The following M6PR variants were observed in gnomAD, a reference collection of about 807,000 sequenced individuals.
M6PR encodes the protein cation-dependent mannose-6-phosphate receptor.
M6PR carries 19 observed loss-of-function variants against 33.1 expected under a neutral mutation model. That is an observed-to-expected ratio of 0.57 (90% confidence interval 0.40 to 0.84). The LOEUF is 0.84. M6PR is among the 40% of genes least tolerant of loss of function. M6PR has a pLI of 0.00. For missense variants in M6PR, 295 were observed against 336.0 expected (o/e 0.88, Z 0.95); for synonymous variants, 111 against 123.4 (o/e 0.90, Z 0.67).
At chr12:8,944,033 A>G (rs1399140208) in intron 3 of M6PR, 123 bp from the exon 4 acceptor site, 1 of 689,038 alleles carries the variant, frequency 1.5e-6, no homozygotes, top group South Asian at 1.6e-5. Context: ...AACCCTCATC[A>G]GTACGAACTT....
rs1803934 is a variant in M6PR at position 8,941,674 on chromosome 12, G to A, written c.*144C>T. ...AAAGGGAAGGCAGTTTTACTAGTGA[G>A]AAGATGCAAATCAAAAGCAAACTGG... On this transcript the variant is annotated 3_prime_UTR_variant, in exon 7 of 7. Coordinates refer to ENST00000000412, the MANE Select transcript of M6PR (RefSeq NM_002355.4). 88 of 965,776 alleles carry A rather than the reference G, an allele frequency of 9.1e-5. 1 individual carries two copies. The African/African-American group carries it at 1.3e-3, about 14-fold the overall frequency. 59.8% of individuals were successfully genotyped at this position (965,776 alleles called of 1,614,324 possible).
intron 5 of M6PR, among the ~76,000 whole-genome samples, chr12:8,942,966 T>A (rs1177681561): frequency 1.3e-5 from 2 of 152,124 alleles, no homozygotes; most frequent in Non-Finnish European, 2.9e-5. Context: ...TTTTTTTTTT[T>A]TTTTTAGACG....
intron 5 of M6PR, among the ~76,000 whole-genome samples, chr12:8,942,951 ATTTTT>A (rs139521214): frequency 8.4e-5 from 12 of 142,806 alleles, no homozygotes; most frequent in Admixed American, 1.4e-4. Context: ...TGCAGTCAGA[ATTTTT>A]TTTTTTTTTT....
Position 8,941,633 on chromosome 12 carries a change from A to G in M6PR, c.*185T>C, listed in dbSNP as rs1946010046. ...ACAACTGTACCTCTCTAGAGAAAAA[A>G]CAGAAAATAAGGAACAAAGGGAAGG... On this transcript the variant is annotated 3_prime_UTR_variant, in exon 7 of 7. Coordinates refer to ENST00000000412, the MANE Select transcript of M6PR (RefSeq NM_002355.4). 1.5e-6 allele frequency: 1 copy of G among 661,620 alleles called. No homozygotes were observed. Among genetic ancestry groups the G allele is most frequent in the East Asian group, 2.7e-5 (1 of 36,624 alleles). 41.0% of individuals were successfully genotyped at this position (661,620 alleles called of 1,614,324 possible).
At chr12:8,946,488 A>G (rs1946097121) in intron 1 of M6PR, 83 bp from the exon 2 acceptor site, 1 of 1,047,496 alleles carries the variant, frequency 9.5e-7, no homozygotes, top group African/African-American at 1.6e-5. Context: ...TGTGTAATAA[A>G]TCGATGGTAT....
rs1250825760 is a variant in M6PR, at chr12:8,949,186, C to T, written c.-2+302G>A. 6.6e-6 allele frequency among the ~76,000 whole-genome samples: 1 copy of T among 152,144 alleles called. No individual in the cohort carries two copies. Among genetic ancestry groups the T allele is most frequent in the East Asian group, 1.9e-4 (1 of 5,196 alleles). On this transcript the variant is annotated intron_variant, in intron 1 of 6. Transcript: ENST00000000412. This position sits in a 1 kb window ranked among gnomAD's most constrained non-coding sequence, Gnocchi z 5.6. ...CCCACCGTGATGCAGGCCAAAATTCCTCCTACAAATAAATCCACCAACACC... is the reference window on the plus strand; with the variant it reads ...CCCACCGTGATGCAGGCCAAAATTCTTCCTACAAATAAATCCACCAACACC...
intron 6 of M6PR, 61 bp downstream of exon 6, chr12:8,942,355 A>T: frequency 1.2e-6 from 2 of 1,612,600 alleles, no homozygotes. Flanking sequence ...ACAAACGAGG[A>T]TGGTTGGTCA....
chr12:8,943,633 C>A, intron 4 of M6PR, 98 bp from the exon 5 acceptor site: 1 of 1,507,448 alleles, frequency 6.6e-7, no homozygotes, highest in South Asian at 1.1e-5. Context: ...CTTCCTGGTT[C>A]AGCAGCCTAT....
intron 3 of M6PR, among the ~76,000 whole-genome samples, chr12:8,944,795 G>A (rs1946071544): frequency 6.6e-6 from 1 of 152,114 alleles, no homozygotes; most frequent in South Asian, 2.1e-4. Context: ...GGTGGTGGTT[G>A]GTATTTGTAA....
At chr12:8,946,097 A>C (rs1946089313) in intron 2 of M6PR, 132 bp downstream of exon 2, 3 of 814,426 alleles carry the variant, frequency 3.7e-6, no homozygotes, top group East Asian at 2.6e-5. Context: ...AAAACTGCAC[A>C]CAGCAACTAA....
In M6PR at chr12:8,948,508, A is replaced by G. The variant is rs1416248646; in HGVS notation, c.-2+980T>C. Among the ~76,000 whole-genome samples, 3 of 152,344 alleles carry G rather than the reference A, an allele frequency of 2.0e-5. No individual in the cohort carries two copies. In the East Asian group the frequency reaches 5.8e-4, roughly 29 times the overall value. On this transcript the variant is annotated intron_variant, in intron 1 of 6. Coordinates refer to ENST00000000412, the MANE Select transcript of M6PR (RefSeq NM_002355.4). ...GGAAAACTTATAAACATAGGGGTGC[A>G]ACAATCAGGAAGAGAATGAAATGGA...
intron 6 of M6PR, 93 bp from the exon 7 acceptor site, chr12:8,942,033 TG>T (rs1331717019): frequency 2.8e-6 from 4 of 1,421,250 alleles, no homozygotes; most frequent in Non-Finnish European, 3.9e-6. Flanking sequence ...TGGCAAGAAT[TG>T]GTTTTCTATA....
Position 8,941,936 on chromosome 12 carries a change from C to G in M6PR, c.716G>C (p.Gly239Ala). Reference protein sequence around the residue: ...WQDLGNLVADGCDFVCRSKPR... With the variant: ...WQDLGNLVADACDFVCRSKPR... Reference sequence around the variant, plus strand: ...TTTAGAACGGCAGACAAAGTCACAGCCATCCTGTAGGGGGAAAAAAAAGAA... The same window carrying G: ...TTTAGAACGGCAGACAAAGTCACAGGCATCCTGTAGGGGGAAAAAAAAGAA... The change falls in exon 7 of 7, where the codon GGC (glycine) becomes GCC (alanine). Residue 239 changes from glycine (G) to alanine (A), a missense_variant. Transcript: ENST00000000412. The G allele has an allele frequency of 6.2e-7, 1 of 1,614,076 alleles. No homozygotes were observed. The highest frequency in any genetic ancestry group is 8.5e-7 in the Non-Finnish European group (1 of 1,180,010).
At chr12:8,945,659 T>G (rs1207750285) in intron 2 of M6PR, 75 bp from the exon 3 acceptor site, 1 of 1,236,926 alleles carries the variant, frequency 8.1e-7, no homozygotes, top group Non-Finnish European at 1.1e-6. Context: ...ATCCCTTTCC[T>G]TAATTAAAAC....
At position 8,943,350 on chromosome 12, in the gene M6PR, G is replaced by C. The variant is rs761289738; in HGVS notation, c.584+55C>G. ...GCTTATGTACCACCATATAGTTACT[G>C]ACCTTAAAAACAAAAGGAAGGAAGG... is the stretch of plus-strand genomic sequence containing the variant. On this transcript the variant is annotated intron_variant, in intron 5 of 6. Coordinates refer to ENST00000000412, the MANE Select transcript of M6PR (RefSeq NM_002355.4). 4.0e-5 allele frequency: 64 copies of C among 1,605,038 alleles called. No individual in the cohort carries two copies. In the African/African-American group the frequency reaches 8.2e-4, roughly 21 times the overall value.
At position 8,946,269 on chromosome 12, in the gene M6PR, A is replaced by C. The variant is rs201993451; in HGVS notation, c.136T>G (p.Leu46Val). 6.2e-7 allele frequency: 1 copy of C among 1,614,022 alleles called. No individual in the cohort carries two copies. The highest frequency in any genetic ancestry group is 2.2e-5 in the East Asian group (1 of 44,880). The change falls in exon 2 of 7, where the codon TTG (leucine) becomes GTG (valine). Residue 46 changes from leucine to valine, a missense_variant. Physicochemically the swap from Leu to Val is conservative, Grantham distance 32. Transcript: ENST00000000412. ...GEKGKESEKE[L>V]ALVKRLKPLF... is the part of the protein sequence containing the mutation. Reference sequence around the variant, plus strand: ...GGTTTCAGCCTCTTCACTAGAGCCAACTCTTTCTCTGACTCTTTACCCTTT... The same window carrying C: ...GGTTTCAGCCTCTTCACTAGAGCCACCTCTTTCTCTGACTCTTTACCCTTT...
In M6PR at chr12:8,949,633, T is replaced by G. The variant is rs980374340; in HGVS notation, c.-147A>C. 6.6e-6 allele frequency: 1 copy of G among 152,218 alleles called. No homozygotes were observed. The highest frequency in any genetic ancestry group is 1.9e-4 in the East Asian group (1 of 5,144). 9.4% of individuals were successfully genotyped at this position (152,218 alleles called of 1,614,324 possible). ...GCCAGCGTTCCCCCTAGCGCCTCGC[T>G]GTGCCCCACTCTGGGAACCGGAAAC... is the stretch of plus-strand genomic sequence containing the variant. On this transcript the variant is annotated 5_prime_UTR_variant, in exon 1 of 7. Transcript: ENST00000000412. This position sits in a 1 kb window ranked among gnomAD's most constrained non-coding sequence, Gnocchi z 5.6.
chr12:8,945,611 G>A (rs1222669627), intron 2 of M6PR, 27 bp from the exon 3 acceptor site: 1 of 1,605,860 alleles, frequency 6.2e-7, no homozygotes, highest in Admixed American at 1.7e-5. Context: ...GAAGAAAGAA[G>A]AGGAGAGTTA....
Position 8,945,976 on chromosome 12 carries a change from C to T in M6PR, c.176+253G>A, listed in dbSNP as rs3026258. On this transcript the variant is annotated intron_variant, in intron 2 of 6. Transcript: ENST00000000412. ...CATGTGTCGGCCTAAATATGTTTATCTGATATTTCTAAAGTCCTATTATAT... is the reference window on the plus strand; with the variant it reads ...CATGTGTCGGCCTAAATATGTTTATTTGATATTTCTAAAGTCCTATTATAT... Among the ~76,000 whole-genome samples, 981 of 152,278 alleles carry T rather than the reference C, an allele frequency of 6.4e-3. 7 individuals are homozygous for T. The highest frequency in any genetic ancestry group is 9.3e-3 in the Non-Finnish European group (630 of 68,020).
Sources: gnomAD v4.1 joint callset for allele counts (sites outside exome capture counted in the v4.1 genomes callset) on GRCh38, gnomAD v4.1.1 for gene constraint, Gnocchi (gnomAD v3.1) non-coding constraint, MANE v1.5 for transcripts, NCBI Gene and HGNC (gene_info 2026-07-23, HGNC 2026-07-21) for gene names.